BCL9: variants seen among roughly 807,000 people sequenced by gnomAD.
BCL9 encodes BCL9 transcription coactivator, also known as B-cell CLL/lymphoma 9 protein.
In BCL9, 25 loss-of-function variants were observed where a neutral mutation model predicts 88.5. That is an observed-to-expected ratio of 0.28 (90% CI 0.21 to 0.39). BCL9 has a LOEUF of 0.39. Among genes scored for constraint, BCL9 ranks in the 10% least tolerant of loss-of-function variants. The pLI is 1.00. For synonymous variants in BCL9, 711 were observed against 673.3 expected (o/e 1.06, Z -0.87); for missense variants, 1,817 against 1,877.8 (o/e 0.97, Z 0.60).
intron 1 of BCL9, among the ~76,000 whole-genome samples, chr1:147,568,371 T>A (rs1553196957): frequency 6.6e-6 from 1 of 152,148 alleles, no homozygotes; most frequent in East Asian, 1.9e-4. Flanking sequence ...AAGTTTTGAG[T>A]TAGAAGGAAT....
At chr1:147,575,976 A>T (rs1656093400) in intron 1 of BCL9, among the ~76,000 whole-genome samples, 1 of 152,172 alleles carries the variant, frequency 6.6e-6, no homozygotes, top group South Asian at 2.1e-4. Context: ...AGTTATTTTG[A>T]ATGATGACAT....
chr1:147,623,824 A>G lies in BCL9; in HGVS notation c.3164-18A>G, dbSNP rs782663429. 2 of 1,593,142 alleles carry G rather than the reference A, an allele frequency of 1.3e-6. No individual in the cohort carries two copies. Among genetic ancestry groups the G allele is most frequent in the Non-Finnish European group, 1.7e-6 (2 of 1,168,318 alleles). ...ATTTTTGGTTAAGTTGATTCCTTTG[A>G]TATCTTTATTTTTCTAGGAATGGGC... On this transcript the variant is annotated intron_variant, in intron 9 of 9. Transcript: ENST00000234739.
chr1:147,599,540 C>T (rs1005327749), intron 1 of BCL9, among the ~76,000 whole-genome samples: 1 of 151,732 alleles, frequency 6.6e-6, no homozygotes, highest in Non-Finnish European at 1.5e-5. Context: ...CGGGAAGGTC[C>T]GGGAGAGTGA....
At position 147,623,880 on chromosome 1, in the gene BCL9, C is replaced by T. The variant is rs964865048; in HGVS notation, c.3202C>T (p.Pro1068Ser). 1 of 1,614,122 alleles carries T rather than the reference C, an allele frequency of 6.2e-7. No homozygotes were observed. The highest frequency in any genetic ancestry group is 2.2e-5 in the East Asian group (1 of 44,860). The change falls in exon 10 of 10, where the codon CCA becomes TCA. Residue 1068 changes from proline to serine, a missense_variant. Pro to Ser is a moderately conservative substitution (Grantham distance 74). Around this residue, in one of 2 missense-constraint regions of BCL9, gnomAD observed 589 missense variants for 686.2 expected, o/e 0.86. Transcript: ENST00000234739. ...INTQNPRISG[P>S]NPVVPMPTLS... The stretch of plus-strand genomic sequence containing the variant: ...TACACAGAATCCTCGAATTTCAGGT[C>T]CAAACCCCGTGGTTCCGATGCCAAC...
chr1:147,587,608 C>G (rs1553199405), intron 1 of BCL9, among the ~76,000 whole-genome samples: 1 of 152,204 alleles, frequency 6.6e-6, no homozygotes, highest in Non-Finnish European at 1.5e-5. Context: ...TTGTGCCCAG[C>G]TAGCTGCTAA....
At chr1:147,548,115 A>G (rs1570804467) in intron 1 of BCL9, among the ~76,000 whole-genome samples, 1 of 152,334 alleles carries the variant, frequency 6.6e-6, no homozygotes, top group Middle Eastern at 3.4e-3. Context: ...ACCTTGGAGT[A>G]GCTTTTTATC....
intron 1 of BCL9, among the ~76,000 whole-genome samples, chr1:147,542,714 T>C (rs1292580461): frequency 7.0e-6 from 1 of 142,638 alleles, no homozygotes; most frequent in Non-Finnish European, 1.5e-5. Context: ...GGCCGATTTG[T>C]ACAGAGAATG....
Position 147,620,708 on chromosome 1 carries a change from A to G in BCL9, c.2553A>G (p.Ala851=), listed in dbSNP as rs1553205132. ...LGRKPLDISV[A]GSQVHSPGIN... Reference sequence around the variant, plus strand: ...GGAAGCCCTTGGATATATCTGTGGCAGGCAGCCAGGTGCATTCCCCAGGCA... The same window carrying G: ...GGAAGCCCTTGGATATATCTGTGGCGGGCAGCCAGGTGCATTCCCCAGGCA... The change falls in exon 8 of 10, where the codon GCA becomes GCG. Residue 851 remains alanine (A), a synonymous_variant. Coordinates refer to ENST00000234739, the MANE Select transcript of BCL9 (RefSeq NM_004326.4). 3.1e-6 allele frequency: 5 copies of G among 1,614,202 alleles called. No homozygotes were observed. Among genetic ancestry groups the G allele is most frequent in the Non-Finnish European group, 4.2e-6 (5 of 1,180,044 alleles).
rs1656458813 is a variant in BCL9 at position 147,583,479 on chromosome 1, TG to T, written c.-477-21297del. Among the ~76,000 whole-genome samples, 3 of 151,542 alleles carry T rather than the reference TG, an allele frequency of 2.0e-5. No individual in the cohort carries two copies. The South Asian group carries it at 6.3e-4, about 32-fold the overall frequency. On this transcript the variant is annotated intron_variant, in intron 1 of 9. Transcript: ENST00000234739. Reference sequence around the variant, plus strand: ...TTTTAGTAGAGACGGGGTTTCACCATGTTGGCCAGGCTGGTCTCGAACTCCT... The same window carrying T: ...TTTTAGTAGAGACGGGGTTTCACCATTTGGCCAGGCTGGTCTCGAACTCCT...
chr1:147,599,556 T>G, intron 1 of BCL9, among the ~76,000 whole-genome samples: 1 of 148,612 alleles, frequency 6.7e-6, no homozygotes, highest in Non-Finnish European at 1.5e-5. Context: ...AGTGAGCGCG[T>G]GGGGAGGAGG....
At chr1:147,610,474 A>C (rs186947347) in intron 3 of BCL9, among the ~76,000 whole-genome samples, 1 of 152,330 alleles carries the variant, frequency 6.6e-6, no homozygotes, top group East Asian at 1.9e-4. Context: ...ACAACCTAGG[A>C]TATAATTGAT....
chr1:147,605,858 G>A (rs922752824), intron 2 of BCL9, among the ~76,000 whole-genome samples: 2 of 152,172 alleles, frequency 1.3e-5, no homozygotes, highest in Non-Finnish European at 2.9e-5. Context: ...AATGAAATTT[G>A]TTAAACATGA....
chr1:147,561,588 T>G (rs1432005592), intron 1 of BCL9, among the ~76,000 whole-genome samples: 7 of 152,254 alleles, frequency 4.6e-5, no homozygotes, highest in Admixed American at 4.6e-4. Flanking sequence ...TTTATTCATT[T>G]GTTCATTCAT....
At position 147,604,548 on chromosome 1, in the gene BCL9, G is replaced by A. The variant is rs1260964224; in HGVS notation, c.-477-229G>A. On this transcript the variant is annotated intron_variant, in intron 1 of 9. Coordinates refer to ENST00000234739, the MANE Select transcript of BCL9 (RefSeq NM_004326.4). Reference sequence around the variant, plus strand: ...TCTAAACTCCCAGTCATCCATTAGCGTGGTTAGGCCTCAGTGGGATGGATT... The same window carrying A: ...TCTAAACTCCCAGTCATCCATTAGCATGGTTAGGCCTCAGTGGGATGGATT... 5.9e-5 allele frequency among the ~76,000 whole-genome samples: 9 copies of A among 152,166 alleles called. No individual in the cohort carries two copies. The South Asian group carries it at 1.2e-3, about 21-fold the overall frequency.
intron 2 of BCL9, among the ~76,000 whole-genome samples, chr1:147,605,616 A>G (rs1293229800): frequency 1.3e-5 from 2 of 152,216 alleles, no homozygotes; most frequent in African/African-American, 2.4e-5. Context: ...AATGTACATT[A>G]ATATTTTGCT....
chr1:147,562,369 G>A (rs782179546), intron 1 of BCL9, among the ~76,000 whole-genome samples: 3 of 151,928 alleles, frequency 2.0e-5, no homozygotes, highest in Non-Finnish European at 4.4e-5. Context: ...CCTGGTAGAG[G>A]ATCTTAAACA....
chr1:147,622,281 ACCT>A lies in BCL9; in HGVS notation c.2917_2919del (p.Pro973del), dbSNP rs1553205527. On this transcript the variant is annotated inframe_deletion, in exon 9 of 10. Transcript: ENST00000234739. ...TTTGCTTCCTTTTAGGTGGCCCCCC[ACCT>A]CCTACAGCCAGCCAGCCTGCCTCTG... 6 of 1,613,734 alleles carry A rather than the reference ACCT, an allele frequency of 3.7e-6. No individual in the cohort carries two copies. The highest frequency in any genetic ancestry group is 3.3e-5 in the South Asian group (3 of 91,068).
intron 1 of BCL9, among the ~76,000 whole-genome samples, chr1:147,595,746 G>A (rs1209286585): frequency 2.0e-5 from 3 of 152,094 alleles, no homozygotes; most frequent in African/African-American, 7.2e-5. Flanking sequence ...AGGAAAGTGG[G>A]ATTCTAAGAA....
intron 1 of BCL9, among the ~76,000 whole-genome samples, chr1:147,578,247 C>T (rs782070428): frequency 3.4e-4 from 52 of 152,144 alleles, no homozygotes; most frequent in Admixed American, 2.0e-4. Context: ...TATTGGACTT[C>T]CTCCTCCCAT....
Sources: allele counts gnomAD v4.1 joint callset (sites outside exome capture counted in the v4.1 genomes callset), GRCh38; gene constraint gnomAD v4.1.1; regional missense constraint gnomAD v4.1.1; transcripts MANE v1.5; gene names NCBI Gene and HGNC (gene_info 2026-07-23, HGNC 2026-07-21).